CACNA1E: variants seen among roughly 807,000 people sequenced by gnomAD.
The protein encoded by CACNA1E is voltage-dependent R-type calcium channel subunit alpha-1E.
In CACNA1E, 40 loss-of-function variants were observed where a neutral mutation model predicts 259.2. The observed-to-expected ratio is 0.15, with a 90% CI of 0.12 to 0.20. CACNA1E has a LOEUF of 0.20. Ranked by LOEUF, CACNA1E falls within the 10% of genes least tolerant of loss-of-function variation. The probability of loss-of-function intolerance (pLI) is 1.00; values close to 1 mark genes in which losing one functional copy is unlikely to be tolerated. For synonymous variants in CACNA1E, 1,104 were observed against 1,138.5 expected, an observed-to-expected ratio of 0.97 and a Z score of 0.61; for missense variants, 1,874 against 3,040.1, an observed-to-expected ratio of 0.62 and a Z score of 9.02.
chr1:181,480,273 A>T (rs1361087583), upstream of CACNA1E, among the ~76,000 whole-genome samples: 1 of 152,162 alleles, frequency 6.6e-6, no homozygotes, highest in Non-Finnish European at 1.5e-5. Flanking sequence ...TCCTGCTAGC[A>T]CTGCTGCCCT....
chr1:181,773,926 A>T (rs1047418582), intron 37 of CACNA1E, among the ~76,000 whole-genome samples: 1 of 152,208 alleles, frequency 6.6e-6, no homozygotes, highest in African/African-American at 2.4e-5. Context: ...ATTCAGCACG[A>T]GATGATCTGC....
At chr1:181,367,672 TTTAA>T (rs1222716684) in intron 1 of CACNA1E, among the ~76,000 whole-genome samples, 1 of 150,292 alleles carries the variant, frequency 6.7e-6, no homozygotes, top group Non-Finnish European at 1.5e-5. Flanking sequence ...TAATTATAAC[TTTAA>T]TTAGATATTA....
intron 6 of CACNA1E, among the ~76,000 whole-genome samples, chr1:181,607,269 C>A (rs1423543216): frequency 6.6e-6 from 1 of 152,160 alleles, no homozygotes; most frequent in Non-Finnish European, 1.5e-5. Context: ...CCTTAAGGCC[C>A]CTCCTACCTA....
At chr1:181,341,816 T>C (rs1434291246) in intron 1 of CACNA1E, among the ~76,000 whole-genome samples, 4 of 152,260 alleles carry the variant, frequency 2.6e-5, no homozygotes, top group Admixed American at 6.5e-5. Context: ...AATTCATTTA[T>C]TCATCCATCC....
In CACNA1E at chr1:181,762,616, G is replaced by A. The variant is rs773509097; in HGVS notation, c.4648G>A (p.Val1550Met). ...CTGGAATATCTTTGACTTCATCACCGTGATTGGCAGTATCACAGAAATTAT... is the reference window on the plus strand; with the variant it reads ...CTGGAATATCTTTGACTTCATCACCATGATTGGCAGTATCACAGAAATTAT... ...DTWNIFDFITVIGSITEIILT... is the reference protein window; with the variant it reads ...DTWNIFDFITMIGSITEIILT... Residue 1550 changes from valine to methionine, a missense_variant, in exon 33 of 48, where the codon GTG (valine) becomes ATG (methionine). Physicochemically the swap from Val to Met is conservative, Grantham distance 21. Transcript: ENST00000367573. 17 of 1,607,910 alleles carry A rather than the reference G, an allele frequency of 1.1e-5. No individual in the cohort carries two copies. The highest frequency in any genetic ancestry group is 2.2e-5 in the South Asian group (2 of 89,920).
At chr1:181,454,413 C>T (rs1661333598) in intron 2 of CACNA1E, among the ~76,000 whole-genome samples, 1 of 152,192 alleles carries the variant, frequency 6.6e-6, no homozygotes, top group African/African-American at 2.4e-5. Context: ...ATATAATCTA[C>T]AATAGGTGTA....
rs1318311162 is a variant in CACNA1E at position 181,803,508 on chromosome 1, T to C, written c.*4674T>C. 1 of 152,230 alleles carries C rather than the reference T, an allele frequency of 6.6e-6. No individual in the cohort carries two copies. The highest frequency in any genetic ancestry group is 6.5e-5 in the Admixed American group (1 of 15,288). 9.4% of individuals were successfully genotyped at this position (152,230 alleles called of 1,614,324 possible). ...TTTTTGTCTTTTGTTGTTTCTTTCC[T>C]GAACCACCCTGTACATCATAGCCAG... On this transcript the variant is annotated 3_prime_UTR_variant, in exon 48 of 48. Coordinates refer to ENST00000367573, the MANE Select transcript of CACNA1E (RefSeq NM_001205293.3).
At chr1:181,575,901 G>A (rs7511748) in intron 3 of CACNA1E, among the ~76,000 whole-genome samples, 16 of 151,832 alleles carry the variant, frequency 1.1e-4, no homozygotes, top group Middle Eastern at 3.4e-3. Context: ...TCTTTATCTC[G>A]CTCTTTCTCT....
At chr1:181,723,404 CA>C (rs1654588687) in intron 16 of CACNA1E, among the ~76,000 whole-genome samples, 1 of 152,166 alleles carries the variant, frequency 6.6e-6, no homozygotes, top group Admixed American at 6.5e-5. Flanking sequence ...TGTGGCTGAA[CA>C]AACTCAAAGT....
chr1:181,756,898 C>G, intron 29 of CACNA1E, 27 bp from the exon 30 acceptor site: 1 of 1,483,258 alleles, frequency 6.7e-7, no homozygotes, highest in Middle Eastern at 1.8e-4. Flanking sequence ...CATCCACCAT[C>G]TGTGCCCTCT....
chr1:181,752,064 G>T, intron 26 of CACNA1E, 79 bp from the exon 27 acceptor site: 2 of 1,012,642 alleles, frequency 2.0e-6, no homozygotes, highest in African/African-American at 1.6e-5. Context: ...TTAGCCTGTT[G>T]TTACTAATGC....
At chr1:181,747,975 A>C (rs1657251686) in intron 25 of CACNA1E, among the ~76,000 whole-genome samples, 2 of 152,244 alleles carry the variant, frequency 1.3e-5, no homozygotes, top group Admixed American at 1.3e-4. Context: ...TTTTCATTTC[A>C]AATGGCAATT....
At chr1:181,586,056 A>T (rs1031880715) in intron 6 of CACNA1E, among the ~76,000 whole-genome samples, 1 of 152,184 alleles carries the variant, frequency 6.6e-6, no homozygotes, top group Non-Finnish European at 1.5e-5. Context: ...AAAAAAAATG[A>T]TAGAGGCTTG....
intron 2 of CACNA1E, among the ~76,000 whole-genome samples, chr1:181,472,666 G>C (rs1372495025): frequency 6.6e-6 from 1 of 152,196 alleles, no homozygotes; most frequent in Admixed American, 6.5e-5. Flanking sequence ...TCTGTGAGCT[G>C]GGTCTTTCAG....
chr1:181,608,299 G>A (rs995016421), intron 6 of CACNA1E, among the ~76,000 whole-genome samples: 6 of 152,158 alleles, frequency 3.9e-5, no homozygotes, highest in African/African-American at 9.7e-5. Context: ...GGATATCCAG[G>A]TAAGGATAGT....
intron 2 of CACNA1E, among the ~76,000 whole-genome samples, chr1:181,444,157 C>T (rs1025911596): frequency 8.5e-5 from 13 of 152,164 alleles, no homozygotes; most frequent in Non-Finnish European, 1.3e-4. Context: ...ATTTCCCTCC[C>T]GCAGCATAGG....
intron 37 of CACNA1E, 105 bp from the exon 38 acceptor site, chr1:181,775,996 C>A: frequency 2.9e-6 from 3 of 1,052,482 alleles, no homozygotes; most frequent in Non-Finnish European, 4.2e-6. Flanking sequence ...TCTGTTCTGG[C>A]TCGTTTGCTA....
At chr1:181,430,028 ACTGT>A (rs1374527278) in intron 2 of CACNA1E, among the ~76,000 whole-genome samples, 8 of 152,162 alleles carry the variant, frequency 5.3e-5, no homozygotes, top group Admixed American at 5.2e-4. Context: ...GACACAGCAG[ACTGT>A]CTGAGATCAT....
intron 6 of CACNA1E, among the ~76,000 whole-genome samples, chr1:181,635,660 A>G (rs1041346891): frequency 1.3e-5 from 2 of 152,254 alleles, no homozygotes; most frequent in Admixed American, 1.3e-4. Flanking sequence ...AAGAAAGTGC[A>G]TTTCTGACAA....
Sources: allele counts gnomAD v4.1 joint callset (sites outside exome capture counted in the v4.1 genomes callset), GRCh38; gene constraint gnomAD v4.1.1; transcripts MANE v1.5; gene names NCBI Gene and HGNC (gene_info 2026-07-23, HGNC 2026-07-21).